The following CDC42 variants were observed in gnomAD, a reference collection of about 807,000 sequenced individuals.
The protein encoded by CDC42 is cell division control protein 42 homolog.
CDC42 carries 1 observed loss-of-function variant against 20.8 expected under a neutral mutation model. The observed-to-expected ratio is 0.05, with a 90% CI of 0.02 to 0.23. The LOEUF (loss-of-function observed/expected upper bound fraction) is 0.23, where lower values mean the gene tolerates loss of function less well. Among genes scored for constraint, CDC42 ranks in the 10% least tolerant of loss-of-function variants. The pLI, the probability that CDC42 is intolerant of heterozygous loss-of-function variation, is 1.00. For synonymous variants in CDC42, 72 were observed against 84.8 expected (o/e 0.85, Z 0.83); for missense variants, 49 against 227.9 (o/e 0.21, Z 5.05).
chr1:22,066,310 C>T (rs1037733453), intron 1 of CDC42, among the ~76,000 whole-genome samples: 4 of 151,668 alleles, frequency 2.6e-5, no homozygotes, highest in Non-Finnish European at 5.9e-5. Flanking sequence ...GGGAGGCAGA[C>T]GTTGCAGTAA....
At chr1:22,074,993 G>A (rs1319108324) in intron 1 of CDC42, among the ~76,000 whole-genome samples, 1 of 152,100 alleles carries the variant, frequency 6.6e-6, no homozygotes, top group African/African-American at 2.4e-5. Context: ...TTTTTTTTGT[G>A]TAAGGGTTAA....
chr1:22,054,369 C>G (rs1645272060), intron 1 of CDC42, among the ~76,000 whole-genome samples: 1 of 151,988 alleles, frequency 6.6e-6, no homozygotes, highest in Non-Finnish European at 1.5e-5. Flanking sequence ...GCATGTACCA[C>G]CATGCCCCGC....
intron 5 of CDC42, chr1:22,090,790 T>C (rs1404196778): frequency 1.0e-6 from 1 of 985,162 alleles, no homozygotes; most frequent in South Asian, 4.7e-5. Flanking sequence ...ATTAAAAATA[T>C]ACAACCGTTT....
chr1:22,054,921 ATTTTTTT>A (rs1180547322), intron 1 of CDC42, among the ~76,000 whole-genome samples: 1 of 19,384 alleles, frequency 5.2e-5, no homozygotes, highest in Non-Finnish European at 8.9e-5. Context: ...ATATATATAT[ATTTTTTT>A]TTTTTTTTTT....
At position 22,101,251 on chromosome 1, in the gene CDC42, T is replaced by C. The variant is rs1645787020; in HGVS notation, c.*9734T>C. 1 of 152,228 alleles carries C rather than the reference T, an allele frequency of 6.6e-6. No individual in the cohort carries two copies. The highest frequency in any genetic ancestry group is 1.5e-5 in the Non-Finnish European group (1 of 68,032). The allele number at this position is 152,228 out of a possible 1,614,324, so 9.4% of individuals were successfully genotyped here. A position where few individuals can be genotyped will look rare whatever the true frequency, so the allele number is the denominator to read the frequency against. The stretch of plus-strand genomic sequence containing the variant: ...TAACACTGTTGGAAAGAGCTCTCAG[T>C]TGGAAGTTGAAGATCCAGGTTCTAG... On this transcript the variant is annotated 3_prime_UTR_variant, in exon 6 of 6. Transcript: ENST00000656825.
Position 22,100,868 on chromosome 1 carries a change from G to A in CDC42, c.*9351G>A, listed in dbSNP as rs534459914. 4.6e-5 allele frequency: 7 copies of A among 152,276 alleles called. No individual in the cohort carries two copies. In the East Asian group the frequency reaches 7.7e-4, roughly 17 times the overall value. 9.4% of individuals were successfully genotyped at this position (152,276 alleles called of 1,614,324 possible). A position where few individuals can be genotyped will look rare whatever the true frequency, so the allele number is the denominator to read the frequency against. On this transcript the variant is annotated 3_prime_UTR_variant, in exon 6 of 6. Transcript: ENST00000656825. The stretch of plus-strand genomic sequence containing the variant: ...CTAGCTTCTTAGCCCTCCTTTGTAA[G>A]GTTTGCACTAGTTTGATGGGAGAGG...
At chr1:22,091,066 G>T (rs775005050) in intron 5 of CDC42, among the ~76,000 whole-genome samples, 4 of 152,190 alleles carry the variant, frequency 2.6e-5, no homozygotes, top group Non-Finnish European at 4.4e-5. Context: ...TCATTTGAAT[G>T]CAGAGCTGCT....
rs186956698 is a variant in CDC42, at chr1:22,095,562, C to T, written c.*4045C>T. ...AGGATTACAGGCGTGAGCCACCGCG[C>T]CTGGCCAGAATGAATACTTTTAATT... On this transcript the variant is annotated 3_prime_UTR_variant, in exon 6 of 6. Transcript: ENST00000656825. 2.2e-4 allele frequency among the ~76,000 whole-genome samples: 34 copies of T among 152,316 alleles called. No homozygotes were observed. The highest frequency in any genetic ancestry group is 2.1e-3 in the Admixed American group (32 of 15,306).
intron 1 of CDC42, among the ~76,000 whole-genome samples, chr1:22,071,796 T>A (rs1269588775): frequency 6.6e-6 from 1 of 152,216 alleles, no homozygotes; most frequent in Non-Finnish European, 1.5e-5. Flanking sequence ...GGGGCAAACG[T>A]ATTTCACATG....
intron 4 of CDC42, 52 bp from the exon 5 acceptor site, chr1:22,086,617 C>CA (rs1280516575): frequency 1.2e-5 from 19 of 1,590,570 alleles, no homozygotes; most frequent in Non-Finnish European, 1.6e-5. Context: ...TTATAAATAG[C>CA]ATTAGAGGCT....
chr1:22,095,784 C>T lies in CDC42; in HGVS notation c.*4267C>T, dbSNP rs575790824. ...TCAGGTGGGCTTTGTGTTTGTCATTCTGGAGCCTAGTTCCAGAGAGCAGTG... is the reference window on the plus strand; with the variant it reads ...TCAGGTGGGCTTTGTGTTTGTCATTTTGGAGCCTAGTTCCAGAGAGCAGTG... On this transcript the variant is annotated 3_prime_UTR_variant, in exon 6 of 6. Transcript: ENST00000656825. Among the ~76,000 whole-genome samples the T allele has an allele frequency of 5.9e-5, 9 of 152,234 alleles. No individual in the cohort carries two copies. Among genetic ancestry groups the T allele is most frequent in the African/African-American group, 2.2e-4 (9 of 41,556 alleles).
chr1:22,062,245 A>AT (rs1346386993), intron 1 of CDC42, among the ~76,000 whole-genome samples: 3 of 152,178 alleles, frequency 2.0e-5, no homozygotes, highest in Admixed American at 6.5e-5. Flanking sequence ...TGTTTGACCC[A>AT]TTTAAAAAAT....
At chr1:22,063,986 C>T (rs1645393382) in intron 1 of CDC42, 1 of 152,164 alleles carries the variant, frequency 6.6e-6, no homozygotes, top group Admixed American at 6.6e-5. Flanking sequence ...TCCCAAAGTG[C>T]TGGGATTACA....
rs1645771172 is a variant in CDC42 at position 22,098,478 on chromosome 1, C to A, written c.*6961C>A. On this transcript the variant is annotated 3_prime_UTR_variant, in exon 6 of 6. Transcript: ENST00000656825. ...CCAGTGCACACCTTGGTGATAGAACCTTTTTGAAACTTTGAAAAAGTTAAA... is the reference window on the plus strand; with the variant it reads ...CCAGTGCACACCTTGGTGATAGAACATTTTTGAAACTTTGAAAAAGTTAAA... Among the ~76,000 whole-genome samples, 2 of 152,154 alleles carry A rather than the reference C, an allele frequency of 1.3e-5. No individual in the cohort carries two copies. The highest frequency in any genetic ancestry group is 6.5e-5 in the Admixed American group (1 of 15,280).
In CDC42 at chr1:22,094,950, A is replaced by T. The variant is rs1264723166; in HGVS notation, c.*3433A>T. On this transcript the variant is annotated 3_prime_UTR_variant, in exon 6 of 6. Transcript: ENST00000656825. ...CCATTTGTGAGGTAAATTAGTGGTT[A>T]TTTTGGTGCTGGGTGCTAAGAAACT... Among the ~76,000 whole-genome samples, 1 of 152,104 alleles carries T rather than the reference A, an allele frequency of 6.6e-6. No homozygotes were observed. Among genetic ancestry groups the T allele is most frequent in the Non-Finnish European group, 1.5e-5 (1 of 68,022 alleles).
intron 2 of CDC42, among the ~76,000 whole-genome samples, chr1:22,079,642 T>C (rs527371405): frequency 6.6e-6 from 1 of 152,290 alleles, no homozygotes; most frequent in Admixed American, 6.5e-5. Flanking sequence ...CATATTGATA[T>C]TTTGAATTGG....
At chr1:22,090,533 G>A in intron 5 of CDC42, 1 of 987,520 alleles carries the variant, frequency 1.0e-6, no homozygotes, top group Non-Finnish European at 1.2e-6. Context: ...GAAACTTTGT[G>A]TTGCTGTTGC....
chr1:22,064,085 G>C (rs534811940), intron 1 of CDC42: 2 of 104,868 alleles, frequency 1.9e-5, no homozygotes, highest in Non-Finnish European at 4.4e-5. Context: ...TTTTTTTTTT[G>C]TTACATTAAC....
intron 2 of CDC42, among the ~76,000 whole-genome samples, chr1:22,080,666 A>G (rs1290091469): frequency 2.6e-5 from 4 of 152,242 alleles, no homozygotes; most frequent in African/African-American, 9.6e-5. Context: ...TTGTAAATTA[A>G]TTCTAAAGAC....
Sources: allele counts gnomAD v4.1 joint callset (sites outside exome capture counted in the v4.1 genomes callset), GRCh38; gene constraint gnomAD v4.1.1; transcripts MANE v1.5; gene names NCBI Gene and HGNC (gene_info 2026-07-23, HGNC 2026-07-21).